Variants in RIMS1 observed in about 807,000 individuals in gnomAD.
RIMS1 encodes regulating synaptic membrane exocytosis protein 1.
RIMS1 carries 83 observed loss-of-function variants against 214.1 expected under a neutral mutation model. That is an observed-to-expected ratio of 0.39 (90% CI 0.32 to 0.47). The LOEUF is 0.47. Ranked by LOEUF, RIMS1 falls within the 20% of genes least tolerant of loss-of-function variation. The pLI is 0.99. For missense variants in RIMS1, 2,050 were observed against 2,161.8 expected (o/e 0.95, Z 1.03); for synonymous variants, 793 against 786.8 (o/e 1.01, Z -0.13).
chr6:72,169,891 A>G (rs1204460698), intron 4 of RIMS1, among the ~76,000 whole-genome samples: 1 of 152,150 alleles, frequency 6.6e-6, no homozygotes, highest in Non-Finnish European at 1.5e-5. Context: ...AGCCTAGGTG[A>G]CAGAGTGAGT....
intron 29 of RIMS1, among the ~76,000 whole-genome samples, chr6:72,362,713 A>C (rs2097864377): frequency 6.6e-6 from 1 of 152,204 alleles, no homozygotes; most frequent in Non-Finnish European, 1.5e-5. Flanking sequence ...AACTCTTGTC[A>C]AAATTTTGTC....
intron 2 of RIMS1, among the ~76,000 whole-genome samples, chr6:71,983,296 T>A (rs1190836754): frequency 6.6e-6 from 1 of 152,130 alleles, no homozygotes; most frequent in Non-Finnish European, 1.5e-5. Context: ...TTAAGTGGGA[T>A]TGCATACCAG....
At chr6:72,321,363 G>T (rs1041185197) in intron 28 of RIMS1, among the ~76,000 whole-genome samples, 5 of 152,042 alleles carry the variant, frequency 3.3e-5, no homozygotes, top group Non-Finnish European at 7.4e-5. Flanking sequence ...CACTGAGTAT[G>T]TATATCAGCT....
At chr6:72,037,285 C>T (rs911015303) in intron 2 of RIMS1, among the ~76,000 whole-genome samples, 1 of 150,888 alleles carries the variant, frequency 6.6e-6, no homozygotes, top group South Asian at 2.1e-4. Context: ...CATTTGGGGG[C>T]GTGTATAGGC....
At chr6:71,901,645 A>G (rs901605828) in intron 1 of RIMS1, among the ~76,000 whole-genome samples, 12 of 152,108 alleles carry the variant, frequency 7.9e-5, no homozygotes, top group African/African-American at 2.9e-4. Flanking sequence ...GGAAAGGGGT[A>G]GGAGGTGACT....
intron 2 of RIMS1, among the ~76,000 whole-genome samples, chr6:72,053,041 G>A (rs1348402364): frequency 6.6e-6 from 1 of 152,120 alleles, no homozygotes; most frequent in Non-Finnish European, 1.5e-5. Flanking sequence ...CATACTTCCT[G>A]AAGTGAACCT....
At chr6:72,075,595 GGCATCC>G (rs1831615636) in intron 2 of RIMS1, among the ~76,000 whole-genome samples, 1 of 151,980 alleles carries the variant, frequency 6.6e-6, no homozygotes, top group Non-Finnish European at 1.5e-5. Flanking sequence ...CTTTAATCCT[GGCATCC>G]ATGCTTAATG....
intron 26 of RIMS1, among the ~76,000 whole-genome samples, chr6:72,300,339 G>T (rs181631227): frequency 1.2e-3 from 184 of 151,892 alleles, no homozygotes; most frequent in African/African-American, 4.1e-3. Context: ...CCATGGACAG[G>T]CTCTTTGATG....
intron 29 of RIMS1, chr6:72,366,824 G>C (rs553750580): frequency 1.0e-6 from 1 of 985,612 alleles, no homozygotes; most frequent in South Asian, 4.7e-5. Context: ...TTTCCCCAGA[G>C]AACAATTTAA....
At chr6:72,014,616 G>C (rs1048142618) in intron 2 of RIMS1, among the ~76,000 whole-genome samples, 1 of 151,896 alleles carries the variant, frequency 6.6e-6, no homozygotes, top group Admixed American at 6.6e-5. Context: ...AATTTTTTTT[G>C]ATGTATAAAT....
chr6:72,289,670 A>G (rs1049440784), intron 24 of RIMS1, among the ~76,000 whole-genome samples: 6 of 152,142 alleles, frequency 3.9e-5, no homozygotes, highest in African/African-American at 1.4e-4. Context: ...TAAAAGAAAA[A>G]TTGCCAATCT....
chr6:72,331,762 A>G (rs373854083), intron 28 of RIMS1, among the ~76,000 whole-genome samples: 1 of 151,902 alleles, frequency 6.6e-6, no homozygotes, highest in African/African-American at 2.4e-5. Context: ...GCATAGCAAA[A>G]TTATCAGATT....
intron 2 of RIMS1, among the ~76,000 whole-genome samples, chr6:72,063,326 A>G (rs113274534): frequency 0.012 from 1,755 of 152,286 alleles, 9 homozygotes; most frequent in Non-Finnish European, 0.018. Context: ...AAGTGATGGG[A>G]GCTGGGGGCA....
chr6:72,185,302 G>GA (rs35031218), intron 6 of RIMS1, among the ~76,000 whole-genome samples: 7 of 151,716 alleles, frequency 4.6e-5, no homozygotes, highest in East Asian at 1.9e-4. Context: ...CGTTGTTATA[G>GA]AAAAAAAACA....
At chr6:72,165,639 CT>C (rs2046150807) in intron 4 of RIMS1, among the ~76,000 whole-genome samples, 1 of 152,060 alleles carries the variant, frequency 6.6e-6, no homozygotes, top group Non-Finnish European at 1.5e-5. Context: ...AGACAATGTA[CT>C]TTTGCTCCTT....
chr6:72,233,793 T>A lies in RIMS1; in HGVS notation c.1699T>A (p.Leu567Met). Reference sequence around the variant, plus strand: ...CACAGGTGATTTGGATTATTACTGGTTGGATCCTGCCACGTGGCACAGCCG... The same window carrying A: ...CACAGGTGATTTGGATTATTACTGGATGGATCCTGCCACGTGGCACAGCCG... ...SEKGDLDYYW[L>M]DPATWHSRET... Residue 567 changes from leucine (L) to methionine (M), a missense_variant, in exon 7 of 34, where the codon TTG becomes ATG. By Grantham distance (15) the Leu-to-Met change is conservative (BLOSUM62 2). Around this residue, in one of 6 missense-constraint regions of RIMS1, gnomAD observed 882 missense variants for 828.9 expected, o/e 1.06. Transcript: ENST00000521978. The A allele has an allele frequency of 6.3e-7, 1 of 1,578,268 alleles. No individual in the cohort carries two copies. Among genetic ancestry groups the A allele is most frequent in the African/African-American group, 1.3e-5 (1 of 74,386 alleles).
chr6:72,390,857 C>A, intron 30 of RIMS1, 121 bp downstream of exon 30: 1 of 1,144,590 alleles, frequency 8.7e-7, no homozygotes, highest in Non-Finnish European at 1.2e-6. Flanking sequence ...GTTCAACCAT[C>A]CATTTTAAAC....
At chr6:72,393,735 A>G (rs1470812169) in intron 31 of RIMS1, among the ~76,000 whole-genome samples, 3 of 152,118 alleles carry the variant, frequency 2.0e-5, no homozygotes, top group Non-Finnish European at 4.4e-5. Context: ...TCCAAGAAAA[A>G]AAAAAAAATC....
In RIMS1 at chr6:72,158,180, TTC is replaced by T. The variant is rs368406778; in HGVS notation, c.472-21394_472-21393del. 2.3e-3 allele frequency among the ~76,000 whole-genome samples: 319 copies of T among 141,224 alleles called. 21 individuals are homozygous for T. The highest frequency in any genetic ancestry group is 7.2e-3 in the Middle Eastern group (2 of 278). 92.6% of individuals were successfully genotyped at this position (141,224 alleles called of 152,430 possible). Reference sequence around the variant, plus strand: ...CTAAAAACACTCTTTAGTATTTCTTTTCCTGTGATGCTTCTGGTAACACATTC... The same window carrying T: ...CTAAAAACACTCTTTAGTATTTCTTTCTGTGATGCTTCTGGTAACACATTC... On this transcript the variant is annotated intron_variant, in intron 4 of 33. Coordinates refer to ENST00000521978, the MANE Select transcript of RIMS1 (RefSeq NM_014989.7).
Sources: gnomAD v4.1 joint callset for allele counts (sites outside exome capture counted in the v4.1 genomes callset) on GRCh38, gnomAD v4.1.1 for gene constraint, gnomAD v4.1.1 regional missense constraint, MANE v1.5 for transcripts, NCBI Gene and HGNC (gene_info 2026-07-23, HGNC 2026-07-21) for gene names.